VAT1L: variants seen among roughly 807,000 people sequenced by gnomAD.
VAT1L encodes putative NADPH-dependent quinone oxidoreductase VAT1L.
Under a neutral mutation model 44.1 loss-of-function variants are expected in VAT1L, and 34 were observed. The observed-to-expected ratio is 0.77, with a 90% CI of 0.59 to 1.03. The LOEUF is 1.03. Among genes scored for constraint, VAT1L ranks in the 50% least tolerant of loss-of-function variants. The probability of loss-of-function intolerance (pLI) is 0.00; values close to 1 mark genes in which losing one functional copy is unlikely to be tolerated. For missense variants in VAT1L, 615 were observed against 538.8 expected (o/e 1.14, Z -1.40); for synonymous variants, 253 against 202.2 (o/e 1.25, Z -2.13).
chr16:77,883,940 C>G (rs1170953477), intron 6 of VAT1L, among the ~76,000 whole-genome samples: 1 of 152,136 alleles, frequency 6.6e-6, no homozygotes, highest in African/African-American at 2.4e-5. Flanking sequence ...CCATCATCAC[C>G]ACCACCATTC....
In VAT1L at chr16:77,903,186, C is replaced by T. The variant is rs934651858; in HGVS notation, c.1077+18384C>T. On this transcript the variant is annotated intron_variant, in intron 7 of 8. Coordinates refer to ENST00000302536, the MANE Select transcript of VAT1L (RefSeq NM_020927.3). ...GAATTCGCCAAGAAACTTATTCTTACTGAACCGGAGTTTTCTCACCTGTAA... is the reference window on the plus strand; with the variant it reads ...GAATTCGCCAAGAAACTTATTCTTATTGAACCGGAGTTTTCTCACCTGTAA... 2.0e-5 allele frequency among the ~76,000 whole-genome samples: 3 copies of T among 152,222 alleles called. No homozygotes were observed. The East Asian group carries it at 5.8e-4, about 29-fold the overall frequency.
At chr16:77,859,971 G>A (rs1264514961) in intron 3 of VAT1L, among the ~76,000 whole-genome samples, 7 of 152,002 alleles carry the variant, frequency 4.6e-5, no homozygotes, top group Non-Finnish European at 5.9e-5. Flanking sequence ...GAGTTAAATT[G>A]AGGTCACTGG....
chr16:77,795,142 A>AT (rs562958533), intron 1 of VAT1L, among the ~76,000 whole-genome samples: 80 of 152,040 alleles, frequency 5.3e-4, no homozygotes, highest in Non-Finnish European at 9.6e-4. Context: ...TTTTCTCTCC[A>AT]TTTTGTGTCC....
chr16:77,879,121 G>T lies in VAT1L; in HGVS notation c.827-48G>T. 6.3e-7 allele frequency: 1 copy of T among 1,592,236 alleles called. No homozygotes were observed. Among genetic ancestry groups the T allele is most frequent in the Non-Finnish European group, 8.6e-7 (1 of 1,160,648 alleles). On this transcript the variant is annotated intron_variant, in intron 5 of 8. Transcript: ENST00000302536. The surrounding 1 kb of genome is among the most constrained non-coding windows in gnomAD (Gnocchi z 4.1). ...ATTTTTTTCATGCATAACAAGAGAT[G>T]TCCATTTTCATTAGCAATTGCTTAA...
intron 7 of VAT1L, among the ~76,000 whole-genome samples, chr16:77,950,726 A>G (rs1374353961): frequency 6.6e-6 from 1 of 152,174 alleles, no homozygotes; most frequent in Middle Eastern, 3.2e-3. Context: ...AACATATAGT[A>G]ACTGTTAAAT....
At position 77,876,265 on chromosome 16, in the gene VAT1L, G is replaced by T; in HGVS notation, c.723-105G>T. 3.1e-6 allele frequency: 3 copies of T among 977,458 alleles called. No homozygotes were observed. The South Asian group carries it at 4.1e-5, about 13-fold the overall frequency. 60.5% of individuals were successfully genotyped at this position (977,458 alleles called of 1,614,324 possible). On this transcript the variant is annotated intron_variant, in intron 4 of 8. Coordinates refer to ENST00000302536, the MANE Select transcript of VAT1L (RefSeq NM_020927.3). ...TATTGCTACTCCTGGAGCTTTCAGG[G>T]TTCCTAATTCTGAGAGTCAGACAAT... is the stretch of plus-strand genomic sequence containing the variant.
chr16:77,788,718 G>C lies in VAT1L; in HGVS notation c.36G>C (p.Thr12=), dbSNP rs1021517840. 51 of 1,555,762 alleles carry C rather than the reference G, an allele frequency of 3.3e-5. No individual in the cohort carries two copies. The highest frequency in any genetic ancestry group is 2.9e-4 in the Admixed American group (15 of 51,050). Residue 12 remains threonine (T), a synonymous_variant, in exon 1 of 9, where the codon ACG becomes ACC. Coordinates refer to ENST00000302536, the MANE Select transcript of VAT1L (RefSeq NM_020927.3). ...AKEGVEKAEE[T]EQMIEKEAGK... ...AAGGCGTGGAGAAGGCGGAGGAGAC[G>C]GAGCAAATGATCGAGAAGGAGGCAG...
At chr16:77,911,255 A>G (rs1005041515) in intron 7 of VAT1L, among the ~76,000 whole-genome samples, 2 of 152,228 alleles carry the variant, frequency 1.3e-5, no homozygotes, top group Admixed American at 1.3e-4. Context: ...ACACATTGTA[A>G]GCAGCCAAGG....
intron 1 of VAT1L, among the ~76,000 whole-genome samples, chr16:77,794,313 T>C (rs569242441): frequency 6.6e-6 from 1 of 152,128 alleles, no homozygotes; most frequent in African/African-American, 2.4e-5. Context: ...GGCCATTATG[T>C]TTATGCACCA....
rs1415610762 is a variant in VAT1L, at chr16:77,884,388, A to G, written c.883-220A>G. Among the ~76,000 whole-genome samples the G allele has an allele frequency of 6.6e-6, 1 of 152,052 alleles. No individual in the cohort carries two copies. The highest frequency in any genetic ancestry group is 1.5e-5 in the Non-Finnish European group (1 of 68,022). On this transcript the variant is annotated intron_variant, in intron 6 of 8. Transcript: ENST00000302536. This position sits in a 1 kb window ranked among gnomAD's most constrained non-coding sequence, Gnocchi z 4.5. ...CAGTAAGCTGAGATCATGCCACTGC[A>G]CTCCAGCCTGGGCTACAGAGTGAGA...
In VAT1L at chr16:77,884,660, T is replaced by A. The variant is rs1159193316; in HGVS notation, c.935T>A (p.Val312Asp). 1 of 1,613,432 alleles carries A rather than the reference T, an allele frequency of 6.2e-7. No homozygotes were observed. The highest frequency in any genetic ancestry group is 8.5e-7 in the Non-Finnish European group (1 of 1,179,800). The change falls in exon 7 of 9, where the codon GTC (valine) becomes GAC (aspartate). Residue 312 changes from valine to aspartate, a missense_variant. Val to Asp is a radical substitution (Grantham distance 152). Transcript: ENST00000302536. This position sits in a 1 kb window ranked among gnomAD's most constrained non-coding sequence, Gnocchi z 4.5. Reference sequence around the variant, plus strand: ...ATCAAGCTGTATGAGGAGAACAAAGTCATCGCGGGGTTTTCCCTTTTAAAT... The same window carrying A: ...ATCAAGCTGTATGAGGAGAACAAAGACATCGCGGGGTTTTCCCTTTTAAAT... ...NPIKLYEENK[V>D]IAGFSLLNLL...
chr16:77,890,752 A>G (rs559833627), intron 7 of VAT1L, among the ~76,000 whole-genome samples: 33 of 151,582 alleles, frequency 2.2e-4, no homozygotes, highest in African/African-American at 8.0e-4. Flanking sequence ...GTGATACCCC[A>G]TCTCTACTAA....
At chr16:77,890,550 A>C (rs1229433429) in intron 7 of VAT1L, among the ~76,000 whole-genome samples, 1 of 152,190 alleles carries the variant, frequency 6.6e-6, no homozygotes, top group African/African-American at 2.4e-5. Flanking sequence ...TCTGATTAAA[A>C]TTGCTTTCCC....
At chr16:77,964,425 T>TC (rs2018199402) in intron 7 of VAT1L, among the ~76,000 whole-genome samples, 1 of 151,938 alleles carries the variant, frequency 6.6e-6, no homozygotes, top group East Asian at 1.9e-4. Context: ...TGCTTCACGG[T>TC]CCCCCCAGCA....
At chr16:77,896,956 G>A (rs74337114) in intron 7 of VAT1L, among the ~76,000 whole-genome samples, 1 of 152,192 alleles carries the variant, frequency 6.6e-6, no homozygotes, top group African/African-American at 2.4e-5. Context: ...GGATTCTGCT[G>A]TTTCCAAAGA....
chr16:77,816,375 T>C (rs566248897), intron 1 of VAT1L, among the ~76,000 whole-genome samples: 1 of 152,276 alleles, frequency 6.6e-6, no homozygotes, highest in East Asian at 1.9e-4. Context: ...TATTCACCAT[T>C]GTGGGAGCTG....
intron 3 of VAT1L, among the ~76,000 whole-genome samples, chr16:77,861,527 C>A (rs2016914356): frequency 6.6e-6 from 1 of 152,242 alleles, no homozygotes. Context: ...TAATAAGCCC[C>A]TAAGGGGGAA....
In VAT1L at chr16:77,870,291, C is replaced by A. The variant is rs577860937; in HGVS notation, c.723-6079C>A. 3.9e-5 allele frequency among the ~76,000 whole-genome samples: 6 copies of A among 152,308 alleles called. No individual in the cohort carries two copies. The East Asian group carries it at 7.7e-4, about 20-fold the overall frequency. ...TGCAAAGCCTACTAAATGCCAGGCA[C>A]TCGGAAATAGTCTCATCCTGTGATG... On this transcript the variant is annotated intron_variant, in intron 4 of 8. Coordinates refer to ENST00000302536, the MANE Select transcript of VAT1L (RefSeq NM_020927.3).
chr16:77,819,378 C>CA (rs1189465277), intron 2 of VAT1L, among the ~76,000 whole-genome samples: 1 of 150,044 alleles, frequency 6.7e-6, no homozygotes, highest in Non-Finnish European at 1.5e-5. Flanking sequence ...TTTCTTTTTT[C>CA]TTTTTTTTTT....
Sources: gnomAD v4.1 joint callset for allele counts (sites outside exome capture counted in the v4.1 genomes callset) on GRCh38, gnomAD v4.1.1 for gene constraint, Gnocchi (gnomAD v3.1) non-coding constraint, MANE v1.5 for transcripts, NCBI Gene and HGNC (gene_info 2026-07-23, HGNC 2026-07-21) for gene names.